TAFA1: variants seen among roughly 807,000 people sequenced by gnomAD.
The protein encoded by TAFA1 is chemokine-like protein TAFA-1.
Under a neutral mutation model 18.5 loss-of-function variants are expected in TAFA1, and 4 were observed. The observed-to-expected ratio is 0.22, with a 90% CI of 0.11 to 0.49. The LOEUF is 0.49. Among genes scored for constraint, TAFA1 ranks in the 20% least tolerant of loss-of-function variants. The pLI is 0.98. For synonymous variants in TAFA1, 56 were observed against 55.2 expected (o/e 1.01, Z -0.06); for missense variants, 147 against 169.0 (o/e 0.87, Z 0.72).
intron 3 of TAFA1, among the ~76,000 whole-genome samples, chr3:68,424,320 G>A (rs887583014): frequency 6.6e-6 from 1 of 151,914 alleles, no homozygotes; most frequent in African/African-American, 2.4e-5. Flanking sequence ...ATGAGAAAGA[G>A]AGGGTCAGAG....
intron 3 of TAFA1, among the ~76,000 whole-genome samples, chr3:68,534,935 C>T (rs1449642272): frequency 3.9e-5 from 6 of 151,908 alleles, no homozygotes; most frequent in African/African-American, 4.8e-5. Context: ...GTGCATTATT[C>T]GCTAGCTTCT....
At position 68,188,475 on chromosome 3, in the gene TAFA1, T is replaced by C. The variant is rs527742526; in HGVS notation, c.118+181731T>C. Among the ~76,000 whole-genome samples the C allele has an allele frequency of 8.3e-5, 12 of 144,616 alleles. No homozygotes were observed. In the East Asian group the frequency reaches 1.8e-3, roughly 22 times the overall value. 94.9% of individuals were successfully genotyped at this position (144,616 alleles called of 152,430 possible). ...GAAAGTAGTATCTCTCTAAATTATATATATATGTATATAATGTATGTGTAT... is the reference window on the plus strand; with the variant it reads ...GAAAGTAGTATCTCTCTAAATTATACATATATGTATATAATGTATGTGTAT... On this transcript the variant is annotated intron_variant, in intron 2 of 4. Coordinates refer to ENST00000478136, the MANE Select transcript of TAFA1 (RefSeq NM_213609.4).
intron 2 of TAFA1, among the ~76,000 whole-genome samples, chr3:68,028,072 G>A (rs1166744982): frequency 6.6e-6 from 1 of 152,068 alleles, no homozygotes; most frequent in East Asian, 1.9e-4. Flanking sequence ...GGCTGAGGCG[G>A]GTGGACCACT....
chr3:68,244,101 A>G (rs1253672232), intron 2 of TAFA1, among the ~76,000 whole-genome samples: 3 of 152,106 alleles, frequency 2.0e-5, no homozygotes, highest in Non-Finnish European at 4.4e-5. Context: ...TGAAATGTCC[A>G]TGTCTTTTAC....
intron 3 of TAFA1, among the ~76,000 whole-genome samples, chr3:68,517,927 A>AC (rs2072949436): frequency 1.3e-5 from 2 of 150,594 alleles, no homozygotes; most frequent in African/African-American, 2.4e-5. Flanking sequence ...CTTGCTGATA[A>AC]ACACACACAC....
chr3:68,318,863 T>C (rs1023741251), intron 2 of TAFA1, among the ~76,000 whole-genome samples: 6 of 152,150 alleles, frequency 3.9e-5, no homozygotes, highest in African/African-American at 1.2e-4. Context: ...CTGTGTAATA[T>C]ACCTACTAAT....
At chr3:68,210,860 G>C (rs1056977459) in intron 2 of TAFA1, among the ~76,000 whole-genome samples, 1 of 151,948 alleles carries the variant, frequency 6.6e-6, no homozygotes, top group Admixed American at 6.6e-5. Flanking sequence ...TTGTTGGGTG[G>C]TTCCAGCTGT....
At chr3:68,483,580 A>C (rs1439064371) in intron 3 of TAFA1, among the ~76,000 whole-genome samples, 1 of 152,228 alleles carries the variant, frequency 6.6e-6, no homozygotes, top group African/African-American at 2.4e-5. Context: ...ACAAATGAGC[A>C]GCAAGATAAT....
chr3:68,334,854 G>T (rs2068944145), intron 2 of TAFA1, among the ~76,000 whole-genome samples: 1 of 152,082 alleles, frequency 6.6e-6, no homozygotes. Flanking sequence ...GAAGAGAGAG[G>T]GTTGGAAAAC....
At chr3:68,462,590 T>C (rs1246165733) in intron 3 of TAFA1, among the ~76,000 whole-genome samples, 1 of 152,204 alleles carries the variant, frequency 6.6e-6, no homozygotes, top group Non-Finnish European at 1.5e-5. Context: ...TAGTAACTGA[T>C]TCCAGATAAA....
chr3:68,198,419 G>A (rs983551736), intron 2 of TAFA1, among the ~76,000 whole-genome samples: 1 of 151,550 alleles, frequency 6.6e-6, no homozygotes, highest in Non-Finnish European at 1.5e-5. Context: ...TATGGTGAGA[G>A]TATGTTTAGT....
intron 2 of TAFA1, among the ~76,000 whole-genome samples, chr3:68,140,547 C>A (rs956770858): frequency 3.9e-5 from 6 of 152,104 alleles, no homozygotes; most frequent in African/African-American, 1.4e-4. Context: ...GAGTGCCTAC[C>A]CTGCATGAGT....
chr3:68,095,436 G>A (rs2065077360), intron 2 of TAFA1, among the ~76,000 whole-genome samples: 1 of 152,212 alleles, frequency 6.6e-6, no homozygotes, highest in Middle Eastern at 3.4e-3. Context: ...TGCTGGTCCT[G>A]GAATATTGGG....
intron 2 of TAFA1, among the ~76,000 whole-genome samples, chr3:68,333,626 G>GT (rs1237561791): frequency 6.6e-6 from 1 of 152,026 alleles, no homozygotes; most frequent in East Asian, 1.9e-4. Flanking sequence ...TAAAATAACA[G>GT]TTTTTTAAAA....
At chr3:68,467,761 G>A (rs1223542030) in intron 3 of TAFA1, among the ~76,000 whole-genome samples, 3 of 152,166 alleles carry the variant, frequency 2.0e-5, no homozygotes, top group Non-Finnish European at 4.4e-5. Context: ...TCAAGGGTGA[G>A]CAGATTTCAA....
At chr3:68,497,639 G>A (rs1000186021) in intron 3 of TAFA1, among the ~76,000 whole-genome samples, 1 of 152,160 alleles carries the variant, frequency 6.6e-6, no homozygotes, top group African/African-American at 2.4e-5. Flanking sequence ...TGTGCTGAAT[G>A]GGAAATGATC....
chr3:68,502,456 T>C (rs566846626), intron 3 of TAFA1, among the ~76,000 whole-genome samples: 1 of 152,194 alleles, frequency 6.6e-6, no homozygotes, highest in East Asian at 1.9e-4. Context: ...TTTCAGACCA[T>C]TGATGGATTA....
At chr3:68,040,785 C>G (rs1217586816) in intron 2 of TAFA1, among the ~76,000 whole-genome samples, 4 of 152,188 alleles carry the variant, frequency 2.6e-5, no homozygotes, top group African/African-American at 9.6e-5. Context: ...TTGATGAACA[C>G]TAATGATTGA....
At position 68,302,283 on chromosome 3, in the gene TAFA1, C is replaced by T. The variant is rs543292815; in HGVS notation, c.119-114997C>T. On this transcript the variant is annotated intron_variant, in intron 2 of 4. Transcript: ENST00000478136. Reference sequence around the variant, plus strand: ...CTGCTTTACAGACTCCAACAGTTCCCGAGAAAGGCAGTTAAATTCAGTGAC... The same window carrying T: ...CTGCTTTACAGACTCCAACAGTTCCTGAGAAAGGCAGTTAAATTCAGTGAC... Among the ~76,000 whole-genome samples, 59 of 152,224 alleles carry T rather than the reference C, an allele frequency of 3.9e-4. 1 individual carries two copies. The South Asian group carries it at 0.011, about 28-fold the overall frequency.
Sources: gnomAD v4.1 joint callset for allele counts (sites outside exome capture counted in the v4.1 genomes callset) on GRCh38, gnomAD v4.1.1 for gene constraint, MANE v1.5 for transcripts, NCBI Gene and HGNC (gene_info 2026-07-23, HGNC 2026-07-21) for gene names.